Variants in PCDHA8 observed in about 807,000 individuals in gnomAD.
PCDHA8 encodes protocadherin alpha-8.
A neutral mutation model predicts 61.8 loss-of-function variants in PCDHA8; 53 were observed. That is an observed-to-expected ratio of 0.86 (90% confidence interval 0.69 to 1.08). The LOEUF (loss-of-function observed/expected upper bound fraction) is 1.08. PCDHA8 is among the 50% of genes least tolerant of loss of function. The pLI is 0.00. For synonymous variants in PCDHA8, 618 were observed against 556.6 expected (o/e 1.11, Z -1.55); for missense variants, 1,293 against 1,245.0 (o/e 1.04, Z -0.58).
intron 1 of PCDHA8, among the ~76,000 whole-genome samples, chr5:140,932,460 A>G (rs1275552236): frequency 6.6e-6 from 1 of 151,902 alleles, no homozygotes; most frequent in Non-Finnish European, 1.5e-5. Flanking sequence ...TTGCCAGGGT[A>G]TATAGGAAAT....
chr5:140,883,850 C>G (rs369951260), intron 1 of PCDHA8: 31 of 1,612,792 alleles, frequency 1.9e-5, no homozygotes, highest in African/African-American at 4.0e-5. Flanking sequence ...CCACGAGGAG[C>G]TGGAGCTGTT....
chr5:140,846,112 TTAC>T (rs1780203711), intron 1 of PCDHA8, among the ~76,000 whole-genome samples: 1 of 149,772 alleles, frequency 6.7e-6, no homozygotes. Context: ...GTAGACTATC[TTAC>T]TTTGATAGTT....
intron 1 of PCDHA8, chr5:140,928,551 G>A (rs782615304): frequency 2.5e-6 from 4 of 1,614,044 alleles, no homozygotes; most frequent in Non-Finnish European, 2.5e-6. Context: ...ACAATTATCC[G>A]GTTATCTTGT....
chr5:140,987,892 A>C (rs1383983251), intron 3 of PCDHA8, among the ~76,000 whole-genome samples: 1 of 152,094 alleles, frequency 6.6e-6, no homozygotes, highest in Non-Finnish European at 1.5e-5. Flanking sequence ...TATGTGCCCT[A>C]GTTTTATATG....
chr5:140,944,255 A>G (rs1266795910), intron 1 of PCDHA8, among the ~76,000 whole-genome samples: 5 of 152,098 alleles, frequency 3.3e-5, no homozygotes, highest in African/African-American at 1.2e-4. Context: ...TGATGTGATC[A>G]CTGCTCACTG....
chr5:140,850,266 G>A, intron 1 of PCDHA8: 2 of 1,594,736 alleles, frequency 1.3e-6, no homozygotes, highest in Non-Finnish European at 8.6e-7. Context: ...CGGCGTAGTG[G>A]TGGGGAAGGT....
intron 1 of PCDHA8, among the ~76,000 whole-genome samples, chr5:140,942,607 A>G (rs529680459): frequency 1.7e-5 from 2 of 116,438 alleles, no homozygotes; most frequent in East Asian, 2.5e-4. Context: ...TAGTGTTTAT[A>G]TTTGCCAATT....
At chr5:140,909,065 A>G (rs1402526950) in intron 1 of PCDHA8, among the ~76,000 whole-genome samples, 3 of 152,218 alleles carry the variant, frequency 2.0e-5, no homozygotes, top group Admixed American at 6.5e-5. Flanking sequence ...TGTCTCACCA[A>G]TAAGCCCAGT....
chr5:140,998,910 A>T (rs1346967203), intron 3 of PCDHA8, among the ~76,000 whole-genome samples: 1 of 152,230 alleles, frequency 6.6e-6, no homozygotes, highest in South Asian at 2.1e-4. Context: ...TCCGGGAGGT[A>T]GCTATTATAT....
intron 1 of PCDHA8, among the ~76,000 whole-genome samples, chr5:140,926,036 C>A (rs2082873940): frequency 6.6e-6 from 1 of 152,168 alleles, no homozygotes; most frequent in South Asian, 2.1e-4. Context: ...TTGATGCGGA[C>A]ACTATTCCCC....
At position 140,843,312 on chromosome 5, in the gene PCDHA8, C is replaced by T. The variant is rs2150357141; in HGVS notation, c.1991C>T (p.Thr664Met). Residue 664 changes from threonine to methionine, a missense_variant, in exon 1 of 4, where the codon ACG becomes ATG. By Grantham distance (81) the Thr-to-Met change is moderately conservative (BLOSUM62 -1). Transcript: ENST00000531613. ...GAACCTGCGCTGACCGCCACGGCCA[C>T]GGTTCTGGTGTCGCTGGTGGAGAGC... ...HGEPALTATATVLVSLVESGQ... is the reference protein window; with the variant it reads ...HGEPALTATAMVLVSLVESGQ... The T allele has an allele frequency of 6.3e-7, 1 of 1,596,048 alleles. No homozygotes were observed. Among genetic ancestry groups the T allele is most frequent in the Non-Finnish European group, 8.6e-7 (1 of 1,165,576 alleles).
chr5:140,862,415 G>T (rs1382532896), intron 1 of PCDHA8: 12 of 348,784 alleles, frequency 3.4e-5, no homozygotes, highest in Admixed American at 1.9e-4. Context: ...TTCAAAAGGC[G>T]CTGCCCAGAA....
intron 1 of PCDHA8, among the ~76,000 whole-genome samples, chr5:140,943,172 C>T (rs1370908273): frequency 2.7e-5 from 4 of 148,068 alleles, no homozygotes; most frequent in African/African-American, 1.0e-4. Context: ...GCAGGAAAAT[C>T]GCTTGAACCC....
intron 1 of PCDHA8, among the ~76,000 whole-genome samples, chr5:140,941,191 T>TTTCTTTCTTCCTTTCTTCCTTTC (rs1487503403): frequency 1.1e-5 from 1 of 93,258 alleles, no homozygotes; most frequent in African/African-American, 3.9e-5. Flanking sequence ...GCTTCTTTTT[T>TTTCTTTCTTCCTTTCTTCCTTTC]TTTCTTTCTT....
chr5:140,842,826 G>C lies in PCDHA8; in HGVS notation c.1505G>C (p.Arg502Pro), dbSNP rs2150345442. The change falls in exon 1 of 4, where the codon CGC becomes CCC. Residue 502 changes from arginine to proline, a missense_variant. Physicochemically the swap from Arg to Pro is moderately radical, Grantham distance 103. Transcript: ENST00000531613. ...YSLVERRVGE[R>P]SLSSYISVHT... ...CTTGTGGAGCGGCGGGTGGGCGAGC[G>C]CTCGCTGTCGAGCTACATTTCGGTG... is the stretch of plus-strand genomic sequence containing the variant. 1.3e-6 allele frequency: 2 copies of C among 1,593,690 alleles called. No individual in the cohort carries two copies. Among genetic ancestry groups the C allele is most frequent in the East Asian group, 2.2e-5 (1 of 44,810 alleles).
chr5:140,928,994 T>C, intron 1 of PCDHA8: 1 of 1,613,992 alleles, frequency 6.2e-7, no homozygotes. Context: ...TGCTTACTTT[T>C]CTTCGTGTGT....
intron 1 of PCDHA8, among the ~76,000 whole-genome samples, chr5:140,855,631 C>T (rs1193422916): frequency 1.3e-5 from 2 of 149,640 alleles, no homozygotes; most frequent in African/African-American, 4.9e-5. Flanking sequence ...TGAAATTCGG[C>T]TATTGATAAT....
chr5:140,877,325 C>G lies in PCDHA8; in HGVS notation c.2394+33610C>G. 1.2e-6 allele frequency: 2 copies of G among 1,613,974 alleles called. No individual in the cohort carries two copies. Among genetic ancestry groups the G allele is most frequent in the Non-Finnish European group, 1.7e-6 (2 of 1,179,864 alleles). The stretch of plus-strand genomic sequence containing the variant: ...GAGTTGCAACCGGCGGCGGTCGGCG[C>G]GCACATCCCGTTCCACGTGGGGCTG... On this transcript the variant is annotated intron_variant, in intron 1 of 3. Transcript: ENST00000531613.
intron 1 of PCDHA8, among the ~76,000 whole-genome samples, chr5:140,945,772 T>C (rs538344111): frequency 1.3e-5 from 2 of 152,110 alleles, no homozygotes; most frequent in Non-Finnish European, 2.9e-5. Flanking sequence ...GACAATTTGA[T>C]ATCCAGATGC....
Sources: allele counts gnomAD v4.1 joint callset (sites outside exome capture counted in the v4.1 genomes callset), GRCh38; gene constraint gnomAD v4.1.1; transcripts MANE v1.5; gene names NCBI Gene and HGNC (gene_info 2026-07-23, HGNC 2026-07-21).